The following IFITM10 variants were observed in gnomAD, a reference collection of about 807,000 sequenced individuals.
IFITM10 encodes interferon-induced transmembrane protein 10.
In IFITM10, 17 loss-of-function variants were observed where a neutral mutation model predicts 19.0. The observed-to-expected ratio is 0.90, with a 90% CI of 0.61 to 1.34. The LOEUF (loss-of-function observed/expected upper bound fraction) is 1.34. Among genes scored for constraint, IFITM10 ranks in the 40% most tolerant of loss-of-function variants. The pLI is 0.00. For missense variants in IFITM10, 306 were observed against 319.8 expected, an observed-to-expected ratio of 0.96 and a Z score of 0.33; for synonymous variants, 148 against 147.2, an observed-to-expected ratio of 1.01 and a Z score of -0.04.
At chr11:1,738,062 C>T (rs1427755053) in intron 2 of IFITM10, among the ~76,000 whole-genome samples, 3 of 151,596 alleles carry the variant, frequency 2.0e-5, no homozygotes, top group East Asian at 3.9e-4. Flanking sequence ...ATCTAATGAT[C>T]GGGAAGGTGG....
At position 1,747,746 on chromosome 11, in the gene IFITM10, T is replaced by C. The variant is rs1464597089; in HGVS notation, c.458A>G (p.Tyr153Cys). ...VYPDTTEVND[Y>C]YLWSIFNFVY... Reference sequence around the variant, plus strand: ...GAAGTTGAAGATGGACCACAGGTAATAGTCGTTCACCTCGGTGGTGTCCGG... The same window carrying C: ...GAAGTTGAAGATGGACCACAGGTAACAGTCGTTCACCTCGGTGGTGTCCGG... Residue 153 changes from tyrosine to cysteine, a missense_variant, in exon 2 of 3, where the codon TAT (tyrosine) becomes TGT (cysteine). Transcript: ENST00000340134. 6.4e-6 allele frequency: 10 copies of C among 1,551,816 alleles called. No individual in the cohort carries two copies. The highest frequency in any genetic ancestry group is 8.7e-6 in the Non-Finnish European group (10 of 1,146,974).
Position 1,747,785 on chromosome 11 carries a change from A to G in IFITM10, c.419T>C (p.Val140Ala). The G allele has an allele frequency of 6.4e-7, 1 of 1,551,576 alleles. No homozygotes were observed. Among genetic ancestry groups the G allele is most frequent in the Non-Finnish European group, 8.7e-7 (1 of 1,146,802 alleles). ...GGTGGTGTCCGGGTAGACCTCGATG[A>G]CGGTCGTGGGGTTGGTCATCGTCTT... ...EKKTMTNPTT[V>A]IEVYPDTTEV... Residue 140 changes from valine (V) to alanine (A), a missense_variant, in exon 2 of 3, where the codon GTC becomes GCC. By Grantham distance (64) the Val-to-Ala change is moderately conservative. Transcript: ENST00000340134.
intron 2 of IFITM10, among the ~76,000 whole-genome samples, chr11:1,743,370 AGGAT>A (rs1272463413): frequency 6.6e-6 from 1 of 150,940 alleles, no homozygotes; most frequent in African/African-American, 2.4e-5. Context: ...GGACAGATGG[AGGAT>A]GGATGGATGA....
intron 2 of IFITM10, among the ~76,000 whole-genome samples, chr11:1,737,488 C>A (rs894982955): frequency 6.6e-6 from 1 of 152,236 alleles, no homozygotes; most frequent in African/African-American, 2.4e-5. Context: ...GGCCAGCTAA[C>A]AACTTACTCT....
chr11:1,747,949 A>C lies in IFITM10; in HGVS notation c.255T>G (p.Ala85=). The change falls in exon 2 of 3, where the codon GCT becomes GCG. Residue 85 remains alanine, a synonymous_variant. Transcript: ENST00000340134. ...AGGGCTCAGGGGCAGGGGCCGCCGG[A>C]GCCTGCAGGGCAGGGGGCTTGGACA... ...ACVSKPPALQ[A]PAAPAPEPSA... The C allele has an allele frequency of 6.8e-7, 1 of 1,472,672 alleles. No individual in the cohort carries two copies. The highest frequency in any genetic ancestry group is 9.0e-7 in the Non-Finnish European group (1 of 1,110,476). 91.2% of individuals were successfully genotyped at this position (1,472,672 alleles called of 1,614,324 possible).
chr11:1,746,876 C>T lies in IFITM10; in HGVS notation c.537+791G>A, dbSNP rs945663216. 4 of 398,076 alleles carry T rather than the reference C, an allele frequency of 1.0e-5. No individual in the cohort carries two copies. In the East Asian group the frequency reaches 1.1e-4, roughly 11 times the overall value. The allele number at this position is 398,076 out of a possible 1,614,324, so 24.7% of individuals were successfully genotyped here. ...TGCGTCGGGGTGGGGAGGAGGGCACCGGGGCCTGCCCTCGCCCTCACGCTC... is the reference window on the plus strand; with the variant it reads ...TGCGTCGGGGTGGGGAGGAGGGCACTGGGGCCTGCCCTCGCCCTCACGCTC... On this transcript the variant is annotated intron_variant, in intron 2 of 2. Transcript: ENST00000340134.
At position 1,747,868 on chromosome 11, in the gene IFITM10, C is replaced by G; in HGVS notation, c.336G>C (p.Lys112Asn). 2.0e-6 allele frequency: 3 copies of G among 1,534,816 alleles called. No individual in the cohort carries two copies. The highest frequency in any genetic ancestry group is 2.4e-5 in the East Asian group (1 of 40,838). The part of the protein sequence containing the change: ...TLFPMESKSS[K>N]TDSVRAAGAP... ...CGCCGGCAGCCCGCACGCTGTCGGTCTTGCTGCTCTTGGACTCCATGGGGA... is the reference window on the plus strand; with the variant it reads ...CGCCGGCAGCCCGCACGCTGTCGGTGTTGCTGCTCTTGGACTCCATGGGGA... The change falls in exon 2 of 3, where the codon AAG becomes AAC. Residue 112 changes from lysine (K) to asparagine (N), a missense_variant. Coordinates refer to ENST00000340134, the MANE Select transcript of IFITM10 (RefSeq NM_001170820.4).
chr11:1,749,197 C>T, intron 1 of IFITM10: 3 of 693,430 alleles, frequency 4.3e-6, no homozygotes, highest in African/African-American at 1.9e-5. Context: ...GCGCTCCCTC[C>T]GCAGCGCCAG....
Position 1,747,839 on chromosome 11 carries a change from G to A in IFITM10, c.365C>T (p.Pro122Leu), listed in dbSNP as rs1845668495. 1 of 1,546,346 alleles carries A rather than the reference G, an allele frequency of 6.5e-7. No individual in the cohort carries two copies. The highest frequency in any genetic ancestry group is 8.7e-7 in the Non-Finnish European group (1 of 1,143,760). The change falls in exon 2 of 3, where the codon CCC (proline) becomes CTC (leucine). Residue 122 changes from proline to leucine, a missense_variant. Coordinates refer to ENST00000340134, the MANE Select transcript of IFITM10 (RefSeq NM_001170820.4). ...KTDSVRAAGA[P>L]PACKHLAEKK... ...CTCGGCTAGGTGCTTGCAGGCAGGG[G>A]GCGCGCCGGCAGCCCGCACGCTGTC... is the stretch of plus-strand genomic sequence containing the variant.
At chr11:1,746,102 T>C (rs1312123226) in intron 2 of IFITM10, 1 of 151,148 alleles carries the variant, frequency 6.6e-6, no homozygotes, top group Admixed American at 6.6e-5. Flanking sequence ...CACAGGTACA[T>C]ACAGCGCACA....
Position 1,750,544 on chromosome 11 carries a change from T to C in IFITM10, c.-102A>G. 6.8e-7 allele frequency: 1 copy of C among 1,472,712 alleles called. No individual in the cohort carries two copies. The highest frequency in any genetic ancestry group is 9.2e-7 in the Non-Finnish European group (1 of 1,089,860). The allele number at this position is 1,472,712 out of a possible 1,614,324, so 91.2% of individuals were successfully genotyped here. On this transcript the variant is annotated 5_prime_UTR_variant, in exon 1 of 3. Transcript: ENST00000340134. Reference sequence around the variant, plus strand: ...CCCTCTTTCCTGTCTGGAAGGCCAGTCCTGCTTGGGGTCCTGTCTGCCTGC... The same window carrying C: ...CCCTCTTTCCTGTCTGGAAGGCCAGCCCTGCTTGGGGTCCTGTCTGCCTGC...
rs1851074208 is a variant in IFITM10 at position 1,735,301 on chromosome 11, C to T, written c.666G>A (p.Arg222=). The change falls in exon 3 of 3, where the codon CGG becomes CGA. Residue 222 remains arginine, a synonymous_variant. Coordinates refer to ENST00000340134, the MANE Select transcript of IFITM10 (RefSeq NM_001170820.4). The part of the protein sequence containing the change: ...SCIILVFIFL[R]YPLTDY ...GGCCTTAGTAGTCGGTGAGGGGGTA[C>T]CGCAGGAAGATGAAGACGAGGATGA... 6.4e-7 allele frequency: 1 copy of T among 1,551,680 alleles called. No homozygotes were observed. The highest frequency in any genetic ancestry group is 8.7e-7 in the Non-Finnish European group (1 of 1,146,968).
rs1005247423 is a variant in IFITM10, at chr11:1,747,907, C to G, written c.297G>C (p.Met99Ile). 4.7e-6 allele frequency: 7 copies of G among 1,500,986 alleles called. No individual in the cohort carries two copies. In the African/African-American group the frequency reaches 9.8e-5, roughly 21 times the overall value. 93.0% of individuals were successfully genotyped at this position (1,500,986 alleles called of 1,614,324 possible). Residue 99 changes from methionine to isoleucine, a missense_variant, in exon 2 of 3, where the codon ATG becomes ATC. Met to Ile is a conservative substitution (Grantham distance 10). Coordinates refer to ENST00000340134, the MANE Select transcript of IFITM10 (RefSeq NM_001170820.4). ...PAPEPSASPP[M>I]APTLFPMESK... The stretch of plus-strand genomic sequence containing the variant: ...ACTCCATGGGGAACAGTGTGGGCGC[C>G]ATCGGGGGAGAGGCCGAGGGCTCAG...
At chr11:1,739,445 T>C (rs78666913) in intron 2 of IFITM10, among the ~76,000 whole-genome samples, 9,819 of 152,316 alleles carry the variant, frequency 0.064, 394 homozygotes, top group South Asian at 0.18. Flanking sequence ...GAGTAGTTGC[T>C]GTTCTAGGTC....
chr11:1,736,850 G>C (rs888337802), intron 2 of IFITM10, among the ~76,000 whole-genome samples: 1 of 151,988 alleles, frequency 6.6e-6, no homozygotes, highest in Non-Finnish European at 1.5e-5. Flanking sequence ...GGAGTCAATG[G>C]AGTGGAGCTG....
intron 2 of IFITM10, among the ~76,000 whole-genome samples, chr11:1,737,088 T>C (rs1316718276): frequency 6.6e-6 from 1 of 152,218 alleles, no homozygotes; most frequent in Non-Finnish European, 1.5e-5. Context: ...CAATGAAATT[T>C]GTATTCCTTT....
chr11:1,746,741 C>T (rs753060742), intron 2 of IFITM10: 3 of 398,872 alleles, frequency 7.5e-6, no homozygotes, highest in African/African-American at 4.1e-5. Flanking sequence ...TCTTCTCCCC[C>T]ACCCGGCAGG....
intron 2 of IFITM10, among the ~76,000 whole-genome samples, chr11:1,742,968 AGGAT>A (rs780549881): frequency 2.8e-5 from 4 of 144,610 alleles, no homozygotes; most frequent in Middle Eastern, 7.4e-3. Context: ...GGACAGATGG[AGGAT>A]GGATGGATGG....
chr11:1,735,909 G>C (rs1182702429), intron 2 of IFITM10, among the ~76,000 whole-genome samples: 2 of 152,184 alleles, frequency 1.3e-5, no homozygotes, highest in Non-Finnish European at 1.5e-5. Context: ...GATGCCTTGA[G>C]GATGAGCGTT....
Sources: allele counts gnomAD v4.1 joint callset (sites outside exome capture counted in the v4.1 genomes callset), GRCh38; gene constraint gnomAD v4.1.1; transcripts MANE v1.5; gene names NCBI Gene and HGNC (gene_info 2026-07-23, HGNC 2026-07-21).